Variants in GRID1 observed in about 807,000 individuals in gnomAD.
GRID1 encodes glutamate ionotropic receptor delta type subunit 1.
In GRID1, 28 loss-of-function variants were observed where a neutral mutation model predicts 98.0. The ratio of observed to expected loss-of-function variants is 0.29; its 90% CI spans 0.21 to 0.39. GRID1 has a LOEUF of 0.39. Ranked by LOEUF, GRID1 falls within the 10% of genes least tolerant of loss-of-function variation. GRID1 has a pLI of 1.00. For synonymous variants in GRID1, 553 were observed against 538.5 expected (o/e 1.03, Z -0.37); for missense variants, 1,111 against 1,340.5 (o/e 0.83, Z 2.67).
chr10:86,044,524 C>T (rs1843393314), intron 4 of GRID1, among the ~76,000 whole-genome samples: 1 of 152,168 alleles, frequency 6.6e-6, no homozygotes, highest in Admixed American at 6.5e-5. Context: ...TCTGCATGTC[C>T]ACCGAGGGTG....
chr10:85,754,896 G>A (rs928119975), intron 8 of GRID1, among the ~76,000 whole-genome samples: 1 of 152,146 alleles, frequency 6.6e-6, no homozygotes, highest in African/African-American at 2.4e-5. Flanking sequence ...ATTAAGAGTA[G>A]GCTGCATATA....
chr10:86,158,122 G>A (rs573696636), intron 3 of GRID1, among the ~76,000 whole-genome samples: 111 of 152,278 alleles, frequency 7.3e-4, no homozygotes, highest in African/African-American at 2.6e-3. Context: ...CCAGGGCTCC[G>A]GGTCCATGGA....
intron 8 of GRID1, among the ~76,000 whole-genome samples, chr10:85,762,590 A>C (rs1842157539): frequency 6.6e-6 from 1 of 152,172 alleles, no homozygotes. Context: ...CTCCTTTCAG[A>C]TAAGCCCTAG....
chr10:86,219,984 T>C (rs1185983990), intron 2 of GRID1, among the ~76,000 whole-genome samples: 1 of 152,192 alleles, frequency 6.6e-6, no homozygotes, highest in Non-Finnish European at 1.5e-5. Context: ...GAGCCTGGGT[T>C]GGTCATGCCT....
intron 4 of GRID1, among the ~76,000 whole-genome samples, chr10:86,017,577 T>C (rs558740823): frequency 6.6e-6 from 1 of 152,318 alleles, no homozygotes; most frequent in African/African-American, 2.4e-5. Context: ...TGGGTCATGG[T>C]TCAATGTCAT....
At chr10:85,701,742 A>G (rs1841453340) in intron 12 of GRID1, among the ~76,000 whole-genome samples, 1 of 152,178 alleles carries the variant, frequency 6.6e-6, no homozygotes, top group Admixed American at 6.5e-5. Flanking sequence ...AAAACCAAAC[A>G]TCATATGTTC....
chr10:85,658,866 T>C (rs555287682), intron 12 of GRID1, among the ~76,000 whole-genome samples: 3 of 152,248 alleles, frequency 2.0e-5, no homozygotes, highest in South Asian at 2.1e-4. Flanking sequence ...AATCTTCTGG[T>C]AGCTAATAAC....
intron 2 of GRID1, among the ~76,000 whole-genome samples, chr10:86,319,569 C>T (rs1205562566): frequency 6.6e-6 from 1 of 152,192 alleles, no homozygotes; most frequent in Non-Finnish European, 1.5e-5. Context: ...CTACCCTCCC[C>T]TCTCCCCCCA....
chr10:85,618,249 G>A (rs1842815641), intron 14 of GRID1, among the ~76,000 whole-genome samples: 1 of 152,164 alleles, frequency 6.6e-6, no homozygotes. Flanking sequence ...GGGCCCCTGT[G>A]CTTCCATGAG....
At chr10:86,016,385 G>C (rs1348966306) in intron 4 of GRID1, among the ~76,000 whole-genome samples, 2 of 152,012 alleles carry the variant, frequency 1.3e-5, no homozygotes, top group African/African-American at 2.4e-5. Context: ...TCTCTTATAA[G>C]AGTAGCAGCA....
intron 4 of GRID1, among the ~76,000 whole-genome samples, chr10:85,923,257 A>G (rs1355823184): frequency 2.0e-5 from 3 of 152,162 alleles, no homozygotes; most frequent in Non-Finnish European, 4.4e-5. Flanking sequence ...AAGCAGTTGA[A>G]CATGGGGGAG....
chr10:86,296,094 C>T (rs1251059530), intron 2 of GRID1, among the ~76,000 whole-genome samples: 1 of 152,240 alleles, frequency 6.6e-6, no homozygotes, highest in Non-Finnish European at 1.5e-5. Context: ...ACAGTGGCTC[C>T]CACACCATGG....
intron 2 of GRID1, among the ~76,000 whole-genome samples, chr10:86,318,609 C>T (rs891240255): frequency 2.6e-5 from 4 of 152,198 alleles, no homozygotes; most frequent in African/African-American, 4.8e-5. Context: ...CCTCCCTGTC[C>T]GTTCCCTGGA....
At chr10:86,159,081 A>G (rs899990943) in intron 3 of GRID1, among the ~76,000 whole-genome samples, 1 of 152,118 alleles carries the variant, frequency 6.6e-6, no homozygotes, top group African/African-American at 2.4e-5. Flanking sequence ...TTTTTGGTAG[A>G]GACGGGGTTT....
Position 85,910,404 on chromosome 10 carries a change from C to A in GRID1, c.780+5782G>T, listed in dbSNP as rs116970891. On this transcript the variant is annotated intron_variant, in intron 5 of 15. Transcript: ENST00000327946. ...TATATGTGGTGCATAATCTTATTTT[C>A]ATTTGTTTTACCTTGGTGTGTGCTT... 1.4e-3 allele frequency among the ~76,000 whole-genome samples: 210 copies of A among 152,240 alleles called. 2 individuals carry two copies. In the East Asian group the frequency reaches 0.017, roughly 12 times the overall value.
At chr10:85,824,233 C>T (rs1250022590) in intron 8 of GRID1, among the ~76,000 whole-genome samples, 2 of 152,014 alleles carry the variant, frequency 1.3e-5, no homozygotes, top group Non-Finnish European at 2.9e-5. Flanking sequence ...CTTGCCTTGT[C>T]GCAAGAGTAC....
intron 8 of GRID1, among the ~76,000 whole-genome samples, chr10:85,782,600 T>C (rs1477284524): frequency 2.6e-5 from 4 of 152,164 alleles, no homozygotes; most frequent in Admixed American, 2.6e-4. Context: ...GAAGAGTTAT[T>C]TGAGTAAAAA....
chr10:86,204,976 C>G (rs1324395874), intron 3 of GRID1, among the ~76,000 whole-genome samples: 1 of 125,786 alleles, frequency 8.0e-6, no homozygotes, highest in African/African-American at 3.0e-5. Flanking sequence ...CACCAAGGGC[C>G]AGGGACTGAG....
chr10:86,101,546 C>T (rs1395920015), intron 4 of GRID1, among the ~76,000 whole-genome samples: 1 of 151,968 alleles, frequency 6.6e-6, no homozygotes, highest in Non-Finnish European at 1.5e-5. Context: ...TTGAGTGCAG[C>T]TTCTGTCACT....
Sources: gnomAD v4.1 joint callset for allele counts (sites outside exome capture counted in the v4.1 genomes callset) on GRCh38, gnomAD v4.1.1 for gene constraint, MANE v1.5 for transcripts, NCBI Gene and HGNC (gene_info 2026-07-23, HGNC 2026-07-21) for gene names.